CELF4: variants seen among roughly 807,000 people sequenced by gnomAD.
The protein encoded by CELF4 is CUGBP Elav-like family member 4.
In CELF4, 18 loss-of-function variants were observed where a neutral mutation model predicts 59.9. The observed-to-expected ratio is 0.30, with a 90% confidence interval of 0.21 to 0.45. The LOEUF is 0.45. Ranked by LOEUF, CELF4 falls within the 20% of genes least tolerant of loss-of-function variation. CELF4 has a pLI of 1.00. For synonymous variants in CELF4, 261 were observed against 267.1 expected, an observed-to-expected ratio of 0.98 and a Z score of 0.22; for missense variants, 456 against 689.0, an observed-to-expected ratio of 0.66 and a Z score of 3.79.
chr18:37,293,093 C>T (rs1284567122), intron 3 of CELF4, among the ~76,000 whole-genome samples: 1 of 152,190 alleles, frequency 6.6e-6, no homozygotes, highest in African/African-American at 2.4e-5. Context: ...TAGATGTGGG[C>T]CCACTGGGCT....
chr18:37,376,330 A>G (rs887442161), intron 2 of CELF4, among the ~76,000 whole-genome samples: 17 of 152,216 alleles, frequency 1.1e-4, no homozygotes, highest in African/African-American at 3.4e-4. Flanking sequence ...CTCCTGGCAC[A>G]TGAGGCTTCT....
chr18:37,359,042 G>A, intron 2 of CELF4, among the ~76,000 whole-genome samples: 1 of 152,140 alleles, frequency 6.6e-6, no homozygotes, highest in Non-Finnish European at 1.5e-5. Flanking sequence ...AGGTTGTAGT[G>A]AGCCAAGATC....
intron 12 of CELF4, among the ~76,000 whole-genome samples, chr18:37,249,693 C>T (rs112344837): frequency 5.1e-4 from 78 of 152,238 alleles, no homozygotes; most frequent in African/African-American, 1.7e-3. Context: ...CGACCACTCT[C>T]GGGGTGGAGG....
chr18:37,482,258 C>G (rs984378818), intron 2 of CELF4, among the ~76,000 whole-genome samples: 1 of 151,958 alleles, frequency 6.6e-6, no homozygotes, highest in African/African-American at 2.4e-5. Context: ...GTTGACTGTC[C>G]CCTGTGAATA....
At chr18:37,361,497 C>T (rs1026065150) in intron 2 of CELF4, among the ~76,000 whole-genome samples, 3 of 152,120 alleles carry the variant, frequency 2.0e-5, no homozygotes, top group South Asian at 2.1e-4. Flanking sequence ...TTTGTGTTAA[C>T]GACTTCCAAA....
intron 1 of CELF4, among the ~76,000 whole-genome samples, chr18:37,545,213 G>A (rs971344427): frequency 2.0e-5 from 3 of 152,178 alleles, no homozygotes; most frequent in East Asian, 1.9e-4. Flanking sequence ...TGTGAGGAGC[G>A]GGTAGTGTCC....
rs2154235053 is a variant in CELF4, at chr18:37,243,354, A to G, written c.*1888T>C. The G allele has an allele frequency of 6.6e-6, 1 of 152,286 alleles. No homozygotes were observed. Among genetic ancestry groups the G allele is most frequent in the African/African-American group, 2.4e-5 (1 of 41,566 alleles). 9.4% of individuals were successfully genotyped at this position (152,286 alleles called of 1,614,324 possible). A position where few individuals can be genotyped will look rare whatever the true frequency, so the allele number is the denominator to read the frequency against. ...TTCTAAAGGGAAACTGGTAGGTCTG[A>G]GAACCCCCGGCCTCCAGATGACCTG... On this transcript the variant is annotated 3_prime_UTR_variant, in exon 13 of 13. Transcript: ENST00000420428.
At chr18:37,322,067 G>A (rs2097143017) in intron 2 of CELF4, among the ~76,000 whole-genome samples, 186 bp from the exon 3 acceptor site, 1 of 152,190 alleles carries the variant, frequency 6.6e-6, no homozygotes, top group African/African-American at 2.4e-5. Flanking sequence ...TCGACGGCAC[G>A]GCCCCATGGC....
chr18:37,436,428 CAT>C (rs1287029233), intron 2 of CELF4, among the ~76,000 whole-genome samples: 2 of 152,180 alleles, frequency 1.3e-5, no homozygotes, highest in Admixed American at 1.3e-4. Flanking sequence ...GAGCTGGTAT[CAT>C]ATTCATTACA....
Position 37,465,265 on chromosome 18 carries a change from C to T in CELF4, c.369+20260G>A, listed in dbSNP as rs115414362. 4.4e-3 allele frequency among the ~76,000 whole-genome samples: 672 copies of T among 152,220 alleles called. 5 individuals carry two copies. The highest frequency in any genetic ancestry group is 0.016 in the African/African-American group (644 of 41,530). On this transcript the variant is annotated intron_variant, in intron 2 of 12. Coordinates refer to ENST00000420428, the MANE Select transcript of CELF4 (RefSeq NM_020180.4). ...GGGGACAGAAATGTGCTGCCCAGTC[C>T]TCAATAAAGAATGCTTTTCCTGCCA...
intron 2 of CELF4, among the ~76,000 whole-genome samples, chr18:37,424,688 C>T (rs1235397521): frequency 1.3e-5 from 2 of 152,166 alleles, no homozygotes; most frequent in Admixed American, 6.5e-5. Context: ...AGCACCACTG[C>T]CCTTCCCTGC....
At chr18:37,410,039 C>T (rs569819217) in intron 2 of CELF4, among the ~76,000 whole-genome samples, 34 of 152,258 alleles carry the variant, frequency 2.2e-4, no homozygotes, top group African/African-American at 7.5e-4. Flanking sequence ...GAGGCGGAGA[C>T]GGCCTCAGGG....
intron 3 of CELF4, among the ~76,000 whole-genome samples, chr18:37,302,969 G>A (rs4567809): frequency 0.49 from 73,781 of 151,890 alleles, 18,004 homozygotes; most frequent in South Asian, 0.58. Flanking sequence ...AGAGTGGGAA[G>A]GGGGCTCCAT....
intron 2 of CELF4, among the ~76,000 whole-genome samples, chr18:37,399,948 T>C (rs1182508254): frequency 6.6e-6 from 1 of 152,168 alleles, no homozygotes; most frequent in Non-Finnish European, 1.5e-5. Context: ...ACTGGGAGAA[T>C]AGATGCTGAG....
At chr18:37,339,898 C>G (rs1254486013) in intron 2 of CELF4, among the ~76,000 whole-genome samples, 1 of 152,124 alleles carries the variant, frequency 6.6e-6, no homozygotes, top group Non-Finnish European at 1.5e-5. Flanking sequence ...CTGAACTTCC[C>G]AAGGTGCAGC....
At chr18:37,258,143 C>A (rs77510701) in intron 11 of CELF4, among the ~76,000 whole-genome samples, 3,067 of 152,258 alleles carry the variant, frequency 0.02, 58 homozygotes, top group East Asian at 0.1. Context: ...TGGATGCTTT[C>A]GAGTTTTCCC....
In CELF4 at chr18:37,545,272, C is replaced by T. The variant is rs1603643837; in HGVS notation, c.286+20084G>A. 2.6e-5 allele frequency among the ~76,000 whole-genome samples: 4 copies of T among 152,152 alleles called. No homozygotes were observed. The East Asian group carries it at 7.7e-4, about 29-fold the overall frequency. The stretch of plus-strand genomic sequence containing the variant: ...TCCAGATGAGCGAATGGGTAACCAC[C>T]AGATCTGTGCCTGAGATCCCAGGAC... On this transcript the variant is annotated intron_variant, in intron 1 of 12. Coordinates refer to ENST00000420428, the MANE Select transcript of CELF4 (RefSeq NM_020180.4).
chr18:37,374,691 C>A (rs1468464738), intron 2 of CELF4, among the ~76,000 whole-genome samples: 2 of 152,214 alleles, frequency 1.3e-5, no homozygotes, highest in African/African-American at 4.8e-5. Context: ...CTTAGGAAGA[C>A]CATCGTGTCC....
At chr18:37,369,092 C>G (rs971691258) in intron 2 of CELF4, among the ~76,000 whole-genome samples, 1 of 152,172 alleles carries the variant, frequency 6.6e-6, no homozygotes, top group Non-Finnish European at 1.5e-5. Flanking sequence ...AGATGCTTCC[C>G]CAGGGAGATG....
Sources: allele counts gnomAD v4.1 joint callset (sites outside exome capture counted in the v4.1 genomes callset), GRCh38; gene constraint gnomAD v4.1.1; transcripts MANE v1.5; gene names NCBI Gene and HGNC (gene_info 2026-07-23, HGNC 2026-07-21).